Variants in CENPU observed in about 807,000 individuals in gnomAD.
CENPU encodes the protein KSHV latent nuclear antigen interacting protein 1.
CENPU carries 46 observed loss-of-function variants against 56.7 expected under a neutral mutation model. That is an observed-to-expected ratio of 0.81 (90% confidence interval 0.64 to 1.04). The LOEUF (loss-of-function observed/expected upper bound fraction) is 1.04. Among genes scored for constraint, CENPU ranks in the 50% least tolerant of loss-of-function variants. CENPU has a pLI of 0.00. For synonymous variants in CENPU, 166 were observed against 163.0 expected (o/e 1.02, Z -0.14); for missense variants, 510 against 490.1 (o/e 1.04, Z -0.38).
intron 4 of CENPU, among the ~76,000 whole-genome samples, chr4:184,718,567 G>A (rs1269258125): frequency 6.6e-6 from 1 of 152,232 alleles, no homozygotes; most frequent in African/African-American, 2.4e-5. Flanking sequence ...GCCAGAGAGA[G>A]CTGGCATAAG....
intron 8 of CENPU, among the ~76,000 whole-genome samples, chr4:184,706,083 A>C (rs1262389287): frequency 6.6e-6 from 1 of 152,216 alleles, no homozygotes; most frequent in Non-Finnish European, 1.5e-5. Flanking sequence ...GTTCTTAAAA[A>C]CGCATAATGG....
At position 184,724,198 on chromosome 4, in the gene CENPU, G is replaced by A. The variant is rs997239660; in HGVS notation, c.320+759C>T. On this transcript the variant is annotated intron_variant, in intron 4 of 12. Coordinates refer to ENST00000281453, the MANE Select transcript of CENPU (RefSeq NM_024629.4). ...GGAGAATGGCGTGAACCCGGGAGGT[G>A]GAGCTTGCAGTGAGCCCAGATTGAG... Among the ~76,000 whole-genome samples, 6 of 152,216 alleles carry A rather than the reference G, an allele frequency of 3.9e-5. No individual in the cohort carries two copies. The East Asian group carries it at 1.2e-3, about 29-fold the overall frequency.
intron 11 of CENPU, 98 bp from the exon 12 acceptor site, chr4:184,697,901 G>T: frequency 1.2e-6 from 1 of 832,974 alleles, no homozygotes; most frequent in Non-Finnish European, 1.8e-6. Context: ...AACCGGGGCT[G>T]GCCAACTAGA....
Position 184,712,960 on chromosome 4 carries a change from ACTT to A in CENPU, c.669_671del (p.Arg223del). On this transcript the variant is annotated inframe_deletion, in exon 7 of 13. Transcript: ENST00000281453. Reference sequence around the variant, plus strand: ...ATTCTCTACCTGAGCCTATGGCTTTACTTCTTGATTTCTTCCTTTTGTCATGAG... The same window carrying A: ...ATTCTCTACCTGAGCCTATGGCTTTACTTGATTTCTTCCTTTTGTCATGAG... The A allele has an allele frequency of 6.3e-7, 1 of 1,591,170 alleles. No homozygotes were observed. The highest frequency in any genetic ancestry group is 8.6e-7 in the Non-Finnish European group (1 of 1,167,138).
intron 11 of CENPU, among the ~76,000 whole-genome samples, chr4:184,698,766 C>G (rs1268709814): frequency 1.3e-5 from 2 of 152,100 alleles, no homozygotes; most frequent in African/African-American, 4.8e-5. Context: ...ATTCTTTACA[C>G]TGAACAAATG....
chr4:184,695,183 G>C lies in CENPU; in HGVS notation c.*105C>G. On this transcript the variant is annotated 3_prime_UTR_variant, in exon 13 of 13. Coordinates refer to ENST00000281453, the MANE Select transcript of CENPU (RefSeq NM_024629.4). ...AATAACAAATTTTAGATTCTAAGTA[G>C]GCCATAACTTCTTTGCAAAACAATT... 1.3e-6 allele frequency: 1 copy of C among 752,622 alleles called. No individual in the cohort carries two copies. The highest frequency in any genetic ancestry group is 2.3e-6 in the Non-Finnish European group (1 of 435,466). 46.6% of individuals were successfully genotyped at this position (752,622 alleles called of 1,614,324 possible).
At chr4:184,718,711 A>G (rs1761176735) in intron 4 of CENPU, among the ~76,000 whole-genome samples, 1 of 152,196 alleles carries the variant, frequency 6.6e-6, no homozygotes, top group African/African-American at 2.4e-5. Context: ...CGGGCCAGAA[A>G]AATAGGACTG....
chr4:184,714,426 C>T (rs1761023881), intron 6 of CENPU, among the ~76,000 whole-genome samples: 1 of 151,972 alleles, frequency 6.6e-6, no homozygotes, highest in African/African-American at 2.4e-5. Flanking sequence ...ATGACAATAC[C>T]GTAAGGTTAG....
chr4:184,727,228 T>C (rs1761488025), intron 3 of CENPU, among the ~76,000 whole-genome samples: 1 of 152,120 alleles, frequency 6.6e-6, no homozygotes, highest in Non-Finnish European at 1.5e-5. Context: ...CTATGTTTCC[T>C]TTTACATCAG....
intron 6 of CENPU, among the ~76,000 whole-genome samples, chr4:184,714,832 C>T (rs1166222584): frequency 6.6e-6 from 1 of 152,108 alleles, no homozygotes; most frequent in Non-Finnish European, 1.5e-5. Context: ...GGACTTTTAG[C>T]AGAAGTTAAA....
intron 4 of CENPU, among the ~76,000 whole-genome samples, chr4:184,720,789 T>C (rs1339297514): frequency 2.6e-5 from 4 of 152,006 alleles, no homozygotes; most frequent in Non-Finnish European, 4.4e-5. Flanking sequence ...CTGGTGAAAA[T>C]ACCCTTCAAA....
At chr4:184,727,921 T>C (rs902896755) in intron 3 of CENPU, among the ~76,000 whole-genome samples, 2 of 152,164 alleles carry the variant, frequency 1.3e-5, no homozygotes, top group African/African-American at 4.8e-5. Flanking sequence ...TCCACTGATA[T>C]GTCCAGAAAT....
At chr4:184,729,475 C>A (rs578160818) in intron 2 of CENPU, among the ~76,000 whole-genome samples, 1 of 152,206 alleles carries the variant, frequency 6.6e-6, no homozygotes, top group Non-Finnish European at 1.5e-5. Context: ...TGGCTGTGTT[C>A]CAATACAATT....
At chr4:184,711,030 A>C (rs1484227979) in intron 7 of CENPU, among the ~76,000 whole-genome samples, 1 of 151,798 alleles carries the variant, frequency 6.6e-6, no homozygotes, top group Non-Finnish European at 1.5e-5. Flanking sequence ...TAGTTTTGAA[A>C]ATTTTTTGTA....
chr4:184,709,307 T>C (rs1474350133), intron 8 of CENPU, among the ~76,000 whole-genome samples: 1 of 151,900 alleles, frequency 6.6e-6, no homozygotes, highest in East Asian at 1.9e-4. Context: ...GCCAACATGG[T>C]GAAACCCTGT....
At chr4:184,703,092 A>G (rs1207529682) in intron 8 of CENPU, among the ~76,000 whole-genome samples, 1 of 152,222 alleles carries the variant, frequency 6.6e-6, no homozygotes, top group Non-Finnish European at 1.5e-5. Flanking sequence ...AACACCGGAA[A>G]CATGTATCAG....
intron 1 of CENPU, 22 bp from the exon 2 acceptor site, chr4:184,730,990 C>A (rs1026521535): frequency 1.3e-6 from 2 of 1,545,110 alleles, no homozygotes; most frequent in East Asian, 2.4e-5. Context: ...CAAAAAAACA[C>A]AAGAGTTAGG....
chr4:184,733,254 G>A lies in CENPU; in HGVS notation c.47+762C>T, dbSNP rs1002445842. On this transcript the variant is annotated intron_variant, in intron 1 of 12. Transcript: ENST00000281453. ...CTCGGTTTCCCCACCCACCTGCGGT[G>A]TCCTGCTCCAGCTTTTCCACCCTAA... is the stretch of plus-strand genomic sequence containing the variant. 19 of 949,074 alleles carry A rather than the reference G, an allele frequency of 2.0e-5. No individual in the cohort carries two copies. In the African/African-American group the frequency reaches 3.0e-4, roughly 15 times the overall value. 58.8% of individuals were successfully genotyped at this position (949,074 alleles called of 1,614,324 possible).
intron 11 of CENPU, chr4:184,699,656 G>A (rs1274914157): frequency 4.8e-6 from 6 of 1,251,916 alleles, no homozygotes; most frequent in South Asian, 2.5e-5. Context: ...TTAAACTCCT[G>A]TGGCAGTCTC....
Sources: gnomAD v4.1 joint callset for allele counts (sites outside exome capture counted in the v4.1 genomes callset) on GRCh38, gnomAD v4.1.1 for gene constraint, MANE v1.5 for transcripts, NCBI Gene and HGNC (gene_info 2026-07-23, HGNC 2026-07-21) for gene names.